PHF19: variants seen among roughly 807,000 people sequenced by gnomAD.
The protein encoded by PHF19 is polycomb like 3.
In PHF19, 21 loss-of-function variants were observed where a neutral mutation model predicts 79.8. The ratio of observed to expected loss-of-function variants is 0.26; its 90% confidence interval spans 0.19 to 0.38. PHF19 has a LOEUF of 0.38. Among genes scored for constraint, PHF19 ranks in the 10% least tolerant of loss-of-function variants. The pLI, the probability that PHF19 is intolerant of heterozygous loss-of-function variation, is 1.00. For missense variants in PHF19, 445 were observed against 744.2 expected, an observed-to-expected ratio of 0.60 and a Z score of 4.68; for synonymous variants, 273 against 296.3, an observed-to-expected ratio of 0.92 and a Z score of 0.81.
upstream of PHF19, among the ~76,000 whole-genome samples, chr9:120,899,350 T>C (rs1313285346): frequency 6.7e-6 from 1 of 149,928 alleles, no homozygotes; most frequent in Admixed American, 6.7e-5. Context: ...GTACAGAAAA[T>C]TAGGGCATGG....
the PHF19 span, among the ~76,000 whole-genome samples, chr9:120,901,225 C>T: frequency 6.6e-6 from 1 of 152,030 alleles, no homozygotes; most frequent in African/African-American, 2.4e-5. Flanking sequence ...CAGAGTCTCG[C>T]TCTGTCTCCC....
intron 1 of PHF19, among the ~76,000 whole-genome samples, chr9:120,885,814 G>C (rs577822852): frequency 6.6e-6 from 1 of 152,250 alleles, no homozygotes; most frequent in East Asian, 1.9e-4. Context: ...TCCATGACAT[G>C]TGACCTTCTT....
chr9:120,894,474 G>A (rs145901748), intron 1 of PHF19, among the ~76,000 whole-genome samples: 76 of 152,286 alleles, frequency 5.0e-4, no homozygotes, highest in Middle Eastern at 6.8e-3. Flanking sequence ...TGGCCATCCC[G>A]GAGGTACCTC....
intron 3 of PHF19, among the ~76,000 whole-genome samples, chr9:120,873,523 C>T (rs930271548): frequency 6.6e-6 from 1 of 152,214 alleles, no homozygotes; most frequent in South Asian, 2.1e-4. Context: ...CTCCTTGCCC[C>T]GTGGAGAAGG....
chr9:120,888,217 C>T (rs922119854), intron 1 of PHF19, among the ~76,000 whole-genome samples: 7 of 152,232 alleles, frequency 4.6e-5, no homozygotes, highest in Non-Finnish European at 1.0e-4. Context: ...CTCAAATGAT[C>T]TGCCCATCTC....
rs892067742 is a variant in PHF19 at position 120,856,674 on chromosome 9, G to C, written c.*1270C>G. ...CTCTTTCAAACCCCCACTGGCAAGGGCTTCCCTTTGAGGGAACCAAATGAT... is the reference window on the plus strand; with the variant it reads ...CTCTTTCAAACCCCCACTGGCAAGGCCTTCCCTTTGAGGGAACCAAATGAT... On this transcript the variant is annotated 3_prime_UTR_variant, in exon 15 of 15. Coordinates refer to ENST00000373896, the MANE Select transcript of PHF19 (RefSeq NM_015651.3). 6.6e-6 allele frequency: 1 copy of C among 152,616 alleles called. No individual in the cohort carries two copies. Among genetic ancestry groups the C allele is most frequent in the Non-Finnish European group, 1.5e-5 (1 of 68,060 alleles). 9.5% of individuals were successfully genotyped at this position (152,616 alleles called of 1,614,324 possible). A position where few individuals can be genotyped will look rare whatever the true frequency, so the allele number is the denominator to read the frequency against.
chr9:120,858,991 C>T (rs946165678), intron 14 of PHF19, among the ~76,000 whole-genome samples: 8 of 152,068 alleles, frequency 5.3e-5, no homozygotes, highest in African/African-American at 1.9e-4. Flanking sequence ...TGGTGGTGCA[C>T]GCCTGTAGTC....
chr9:120,897,279 A>G (rs1382983037), upstream of PHF19, among the ~76,000 whole-genome samples: 1 of 152,224 alleles, frequency 6.6e-6, no homozygotes, highest in Non-Finnish European at 1.5e-5. Flanking sequence ...AGTGCTAAAA[A>G]TAACAGTCAC....
chr9:120,858,677 A>G (rs1258826214), intron 14 of PHF19, among the ~76,000 whole-genome samples: 4 of 152,182 alleles, frequency 2.6e-5, no homozygotes, highest in Non-Finnish European at 5.9e-5. Flanking sequence ...TCCTGAGGCC[A>G]TGCAGTGCAG....
chr9:120,902,504 CG>C, the PHF19 span: 1 of 5,870 alleles, frequency 1.7e-4, no homozygotes, highest in East Asian at 3.9e-3. Flanking sequence ...GTGGGCAGGG[CG>C]GGGGGTGGGG....
intron 1 of PHF19, among the ~76,000 whole-genome samples, chr9:120,883,269 G>C (rs947023018): frequency 3.3e-5 from 5 of 152,190 alleles, no homozygotes; most frequent in African/African-American, 9.7e-5. Context: ...TCCCTGCCTT[G>C]CCAGCTTGCT....
At chr9:120,868,795 C>T (rs1433036475) in intron 6 of PHF19, 1 of 999,492 alleles carries the variant, frequency 1.0e-6, no homozygotes, top group Non-Finnish European at 1.2e-6. Flanking sequence ...GGGTGCTTCT[C>T]GACCTGCCTC....
rs1464390217 is a variant in PHF19, at chr9:120,870,413, C to T, written c.364+30G>A. 2.8e-6 allele frequency: 4 copies of T among 1,417,658 alleles called. No homozygotes were observed. Among genetic ancestry groups the T allele is most frequent in the African/African-American group, 1.4e-5 (1 of 71,148 alleles). The allele number at this position is 1,417,658 out of a possible 1,614,324, so 87.8% of individuals were successfully genotyped here. On this transcript the variant is annotated intron_variant, in intron 4 of 14. Transcript: ENST00000373896. The surrounding 1 kb of genome is among the most constrained non-coding windows in gnomAD (Gnocchi z 4.4). ...GTGCGTGGGGACCTATAGGTCGGGGCCTTCTCAGGGCCCTGCTCGCTCCAC... is the reference window on the plus strand; with the variant it reads ...GTGCGTGGGGACCTATAGGTCGGGGTCTTCTCAGGGCCCTGCTCGCTCCAC...
chr9:120,865,214 C>A (rs1195373530), intron 9 of PHF19, among the ~76,000 whole-genome samples: 3 of 152,174 alleles, frequency 2.0e-5, no homozygotes, highest in African/African-American at 4.8e-5. Flanking sequence ...AGACACAGCA[C>A]CCCCGTGGGA....
chr9:120,874,135 C>G lies in PHF19; in HGVS notation c.187-75G>C, dbSNP rs577990837. ...AACCTGGAACATAGTCTTCCTCCCC[C>G]ATTTTTGTCTCCGTATGTTCCAGAA... is the stretch of plus-strand genomic sequence containing the variant. On this transcript the variant is annotated intron_variant, in intron 2 of 14. Coordinates refer to ENST00000373896, the MANE Select transcript of PHF19 (RefSeq NM_015651.3). This position sits in a 1 kb window ranked among gnomAD's most constrained non-coding sequence, Gnocchi z 4.5. 15 of 781,090 alleles carry G rather than the reference C, an allele frequency of 1.9e-5. No individual in the cohort carries two copies. Among genetic ancestry groups the G allele is most frequent in the East Asian group, 1.2e-4 (5 of 40,696 alleles). 48.4% of individuals were successfully genotyped at this position (781,090 alleles called of 1,614,324 possible). A position where few individuals can be genotyped will look rare whatever the true frequency, so the allele number is the denominator to read the frequency against.
chr9:120,856,094 C>CA lies in PHF19; in HGVS notation c.*1849_*1850insT, dbSNP rs2045355313. Reference sequence around the variant, plus strand: ...CCTGGGCTAGGGGTTGGCTTCTCAGCTCCCCTTCCACCTGGCCCTAGTTGG... The same window carrying CA: ...CCTGGGCTAGGGGTTGGCTTCTCAGCATCCCCTTCCACCTGGCCCTAGTTGG... On this transcript the variant is annotated 3_prime_UTR_variant, in exon 15 of 15. Transcript: ENST00000373896. The CA allele has an allele frequency of 6.5e-6, 1 of 152,840 alleles. No individual in the cohort carries two copies. Among genetic ancestry groups the CA allele is most frequent in the East Asian group, 1.9e-4 (1 of 5,186 alleles). The allele number at this position is 152,840 out of a possible 1,614,324, so 9.5% of individuals were successfully genotyped here. A position where few individuals can be genotyped will look rare whatever the true frequency, so the allele number is the denominator to read the frequency against.
chr9:120,874,754 A>C lies in PHF19; in HGVS notation c.-13T>G, dbSNP rs781300971. ...CTCGATTCTCCATCAGCTTCCCCTG[A>C]CACTGGGAGAGAAAGAACAGGGTTT... On this transcript the variant is annotated splice_region_variant and 5_prime_UTR_variant, in exon 2 of 15. Coordinates refer to ENST00000373896, the MANE Select transcript of PHF19 (RefSeq NM_015651.3). The surrounding 1 kb of genome is among the most constrained non-coding windows in gnomAD (Gnocchi z 4.5). The C allele has an allele frequency of 1.1e-4, 169 of 1,605,244 alleles. 3 individuals are homozygous for C. The South Asian group carries it at 1.3e-3, about 13-fold the overall frequency.
In PHF19 at chr9:120,866,189, C is replaced by G. The variant is rs2045694914; in HGVS notation, c.711-93G>C. Reference sequence around the variant, plus strand: ...CTTGATCTCCTCATTCCCCACCTACCTTCCCATAATCTTCTCACTCCTAGG... The same window carrying G: ...CTTGATCTCCTCATTCCCCACCTACGTTCCCATAATCTTCTCACTCCTAGG... On this transcript the variant is annotated intron_variant, in intron 7 of 14. Coordinates refer to ENST00000373896, the MANE Select transcript of PHF19 (RefSeq NM_015651.3). The surrounding 1 kb of genome is among the most constrained non-coding windows in gnomAD (Gnocchi z 5.2). 1.1e-6 allele frequency: 1 copy of G among 918,900 alleles called. No individual in the cohort carries two copies. Among genetic ancestry groups the G allele is most frequent in the Non-Finnish European group, 1.8e-6 (1 of 553,506 alleles). The allele number at this position is 918,900 out of a possible 1,614,324, so 56.9% of individuals were successfully genotyped here. A position where few individuals can be genotyped will look rare whatever the true frequency, so the allele number is the denominator to read the frequency against.
intron 1 of PHF19, among the ~76,000 whole-genome samples, chr9:120,882,377 A>G (rs892387794): frequency 3.9e-5 from 6 of 152,202 alleles, no homozygotes; most frequent in Admixed American, 3.9e-4. Context: ...AGCACGAGGA[A>G]GAAAATAAAA....
Sources: allele counts gnomAD v4.1 joint callset (sites outside exome capture counted in the v4.1 genomes callset), GRCh38; gene constraint gnomAD v4.1.1; non-coding constraint Gnocchi (gnomAD v3.1); transcripts MANE v1.5; gene names NCBI Gene and HGNC (gene_info 2026-07-23, HGNC 2026-07-21).